SMAD6: variants seen among roughly 807,000 people sequenced by gnomAD.
The protein encoded by SMAD6 is MAD homolog 6.
SMAD6 carries 103 observed loss-of-function variants against 39.4 expected under a neutral mutation model. The ratio of observed to expected loss-of-function variants is 2.62; its 90% CI spans 2.23 to 3.08. SMAD6 has a LOEUF of 3.08. Ranked by LOEUF, SMAD6 falls within the 30% of genes most tolerant of loss-of-function variation. SMAD6 has a pLI of 0.00. For missense variants in SMAD6, 1,104 were observed against 742.9 expected, an observed-to-expected ratio of 1.49 and a Z score of -5.65; for synonymous variants, 445 against 353.3, an observed-to-expected ratio of 1.26 and a Z score of -2.91.
chr15:66,709,806 C>T (rs1232607778), intron 1 of SMAD6, among the ~76,000 whole-genome samples: 1 of 152,216 alleles, frequency 6.6e-6, no homozygotes, highest in African/African-American at 2.4e-5. Context: ...GGCCTCAATT[C>T]TCTTTTCCTG....
intron 3 of SMAD6, among the ~76,000 whole-genome samples, chr15:66,761,556 C>G (rs1894199276): frequency 6.6e-6 from 1 of 152,174 alleles, no homozygotes; most frequent in South Asian, 2.1e-4. Context: ...GTTGGCTGGA[C>G]TCACCAGGAT....
At chr15:66,735,304 T>G (rs902528418) in intron 3 of SMAD6, among the ~76,000 whole-genome samples, 4 of 152,224 alleles carry the variant, frequency 2.6e-5, no homozygotes, top group African/African-American at 4.8e-5. Context: ...TTGGGAGTTA[T>G]GACTCTTTCC....
chr15:66,717,674 A>G (rs2140606716), intron 3 of SMAD6: 1 of 350,866 alleles, frequency 2.9e-6, no homozygotes. Context: ...GGGAGCTTAC[A>G]AGAGTATGAC....
At chr15:66,759,295 A>G (rs1894157345) in intron 3 of SMAD6, among the ~76,000 whole-genome samples, 1 of 152,174 alleles carries the variant, frequency 6.6e-6, no homozygotes, top group Non-Finnish European at 1.5e-5. Context: ...GGGCTTTATA[A>G]TCATGCTTTC....
chr15:66,781,193 G>A lies in SMAD6; in HGVS notation c.1149G>A (p.Thr383=). Residue 383 remains threonine (T), a synonymous_variant, in exon 4 of 4, where the codon ACG becomes ACA. Transcript: ENST00000288840. The part of the protein sequence containing the change: ...LEQRSESVRR[T]RSKIGFGILL... ...AGCGCAGCGAGTCGGTGCGGCGAACGCGCAGCAAGATCGGCTTCGGCATCC... is the reference window on the plus strand; with the variant it reads ...AGCGCAGCGAGTCGGTGCGGCGAACACGCAGCAAGATCGGCTTCGGCATCC... The A allele has an allele frequency of 6.2e-7, 1 of 1,608,066 alleles. No homozygotes were observed. The highest frequency in any genetic ancestry group is 8.5e-7 in the Non-Finnish European group (1 of 1,179,736).
chr15:66,781,383 C>T lies in SMAD6; in HGVS notation c.1339C>T (p.Gln447Ter), dbSNP rs1595805270. 4 of 1,601,846 alleles carry T rather than the reference C, an allele frequency of 2.5e-6. No homozygotes were observed. The highest frequency in any genetic ancestry group is 3.4e-6 in the Non-Finnish European group (4 of 1,177,508). Residue 447 changes from glutamine to a stop codon, truncating the protein, a stop_gained, in exon 4 of 4, where the codon CAG (glutamine) becomes TAG (stop). Transcript: ENST00000288840. LOFTEE classifies it high-confidence loss of function. The part of the protein sequence containing the change: ...KVFDFERSGL[Q>*]HAPEPDAADG... ...GTTCGACTTCGAGCGCTCGGGCCTG[C>T]AGCACGCGCCCGAGCCCGACGCCGC...
chr15:66,764,989 T>C (rs977640683), intron 3 of SMAD6, among the ~76,000 whole-genome samples: 3 of 152,178 alleles, frequency 2.0e-5, no homozygotes, highest in Admixed American at 2.0e-4. Flanking sequence ...TCCCCTTGTT[T>C]CTCGGGGTGT....
chr15:66,741,115 T>TA (rs1893806271), intron 3 of SMAD6: 1 of 151,864 alleles, frequency 6.6e-6, no homozygotes, highest in South Asian at 2.1e-4. Context: ...AATTCGTGTT[T>TA]AAAAAATAAC....
At chr15:66,735,361 A>C (rs1893695593) in intron 3 of SMAD6, among the ~76,000 whole-genome samples, 1 of 152,242 alleles carries the variant, frequency 6.6e-6, no homozygotes, top group African/African-American at 2.4e-5. Context: ...GAAGGAAGTC[A>C]AAACTTAACT....
chr15:66,750,260 C>G (rs1893980008), intron 3 of SMAD6, among the ~76,000 whole-genome samples: 1 of 152,196 alleles, frequency 6.6e-6, no homozygotes, highest in Non-Finnish European at 1.5e-5. Context: ...TGGTACCAAA[C>G]CCCTCTTTCT....
rs1892990769 is a variant in SMAD6, at chr15:66,702,427, T to TGGAGGGG, written c.-822_-816dup. Reference sequence around the variant, plus strand: ...CCGGGGCCACCGGGAGGCACTTTTGTGGAGGGGGGAGGGGGGGCGACCTCG... The same window carrying TGGAGGGG: ...CCGGGGCCACCGGGAGGCACTTTTGTGGAGGGGGGAGGGGGGAGGGGGGGCGACCTCG... On this transcript the variant is annotated 5_prime_UTR_variant, in exon 1 of 4. The change abolishes the stop of an existing upstream ORF in the 5' untranslated region. Transcript: ENST00000288840. 2 of 27,396 alleles carry TGGAGGGG rather than the reference T, an allele frequency of 7.3e-5. No homozygotes were observed. The highest frequency in any genetic ancestry group is 1.5e-3 in the South Asian group (1 of 686). The allele number at this position is 27,396 out of a possible 1,614,324, so 1.7% of individuals were successfully genotyped here. A position where few individuals can be genotyped will look rare whatever the true frequency, so the allele number is the denominator to read the frequency against.
chr15:66,757,138 G>A (rs1172932305), intron 3 of SMAD6, among the ~76,000 whole-genome samples: 2 of 152,114 alleles, frequency 1.3e-5, no homozygotes, highest in African/African-American at 2.4e-5. Context: ...CTCGTCTCCC[G>A]TTCATGCCAT....
At chr15:66,730,904 T>C (rs1893615692) in intron 3 of SMAD6, among the ~76,000 whole-genome samples, 1 of 152,258 alleles carries the variant, frequency 6.6e-6, no homozygotes. Flanking sequence ...TGTCCTTGGA[T>C]GAGTCACTTT....
intron 3 of SMAD6, among the ~76,000 whole-genome samples, chr15:66,750,093 G>A (rs1383574716): frequency 1.3e-5 from 2 of 152,124 alleles, no homozygotes; most frequent in Admixed American, 1.3e-4. Flanking sequence ...TTACCTTGTG[G>A]GCTGCTGTGG....
intron 3 of SMAD6, among the ~76,000 whole-genome samples, chr15:66,719,603 AG>A (rs1361509956): frequency 6.6e-6 from 1 of 152,180 alleles, no homozygotes; most frequent in Non-Finnish European, 1.5e-5. Flanking sequence ...TGACAATCCC[AG>A]CGCTGGGCCT....
chr15:66,705,764 TATGGGGGAGAG>T (rs1241905765), intron 1 of SMAD6: 2 of 152,796 alleles, frequency 1.3e-5, no homozygotes, highest in East Asian at 1.9e-4. Flanking sequence ...ACCAGGGATT[TATGGGGGAGAG>T]ATGGGGGAAG....
chr15:66,727,065 C>T (rs187289873), intron 3 of SMAD6, among the ~76,000 whole-genome samples: 1 of 151,450 alleles, frequency 6.6e-6, no homozygotes, highest in African/African-American at 2.4e-5. Context: ...ACAGCCTGTT[C>T]TTTTGTGAAC....
At position 66,745,711 on chromosome 15, in the gene SMAD6, C is replaced by G. The variant is rs34190282; in HGVS notation, c.952+29213C>G. 8.2e-3 allele frequency among the ~76,000 whole-genome samples: 1,244 copies of G among 152,178 alleles called. 23 individuals are homozygous for G. The highest frequency in any genetic ancestry group is 0.026 in the African/African-American group (1,077 of 41,534). ...ATAAGACCCAGAGTCAGGCTCCCCC[C>G]CAAGCTCTGCCTCCGGCTTGCTGTG... is the stretch of plus-strand genomic sequence containing the variant. On this transcript the variant is annotated intron_variant, in intron 3 of 3. Coordinates refer to ENST00000288840, the MANE Select transcript of SMAD6 (RefSeq NM_005585.5).
At chr15:66,761,841 A>G (rs1174087763) in intron 3 of SMAD6, among the ~76,000 whole-genome samples, 1 of 152,124 alleles carries the variant, frequency 6.6e-6, no homozygotes, top group African/African-American at 2.4e-5. Context: ...ATTCCACGGC[A>G]CCCTGTACTT....
Sources: gnomAD v4.1 joint callset for allele counts (sites outside exome capture counted in the v4.1 genomes callset) on GRCh38, gnomAD v4.1.1 for gene constraint, MANE v1.5 for transcripts, NCBI Gene and HGNC (gene_info 2026-07-23, HGNC 2026-07-21) for gene names.